The following SERPINA4 variants were observed in gnomAD, a reference collection of about 807,000 sequenced individuals.
SERPINA4 encodes serpin family A member 4.
In SERPINA4, 24 loss-of-function variants were observed where a neutral mutation model predicts 25.4. The observed-to-expected ratio is 0.95, with a 90% confidence interval of 0.69 to 1.33. The LOEUF is 1.33. Among genes scored for constraint, SERPINA4 ranks in the 40% most tolerant of loss-of-function variants. The pLI is 0.00. For synonymous variants in SERPINA4, 242 were observed against 223.6 expected (o/e 1.08, Z -0.73); for missense variants, 553 against 535.8 (o/e 1.03, Z -0.32).
intron 2 of SERPINA4, among the ~76,000 whole-genome samples, chr14:94,565,607 G>T (rs932753523): frequency 6.6e-6 from 1 of 151,910 alleles, no homozygotes; most frequent in African/African-American, 2.4e-5. Context: ...CAGCACTTTG[G>T]GAGGCCAAGG....
At chr14:94,562,809 G>A (rs144862623) in intron 1 of SERPINA4, among the ~76,000 whole-genome samples, 3 of 152,234 alleles carry the variant, frequency 2.0e-5, no homozygotes, top group Middle Eastern at 3.4e-3. Flanking sequence ...TATGAAACGG[G>A]TACCAATTCT....
At chr14:94,564,685 G>A (rs1323142480) in intron 2 of SERPINA4, among the ~76,000 whole-genome samples, 1 of 152,208 alleles carries the variant, frequency 6.6e-6, no homozygotes, top group Non-Finnish European at 1.5e-5. Flanking sequence ...ACAATGGCAG[G>A]TTGATTCATT....
At chr14:94,561,925 AG>A in intron 1 of SERPINA4, 1 of 1,259,714 alleles carries the variant, frequency 7.9e-7, no homozygotes, top group Non-Finnish European at 1.0e-6. Flanking sequence ...CAGAAAGACT[AG>A]GAAGCTTTCT....
At chr14:94,562,203 T>C (rs1902050164) in intron 1 of SERPINA4, among the ~76,000 whole-genome samples, 1 of 152,222 alleles carries the variant, frequency 6.6e-6, no homozygotes, top group East Asian at 1.9e-4. Context: ...GGTCTGTGGC[T>C]GTTTCCAGCT....
chr14:94,569,453 C>G lies in SERPINA4; in HGVS notation c.1142C>G (p.Thr381Ser). Residue 381 changes from threonine (T) to serine (S), a missense_variant, in exon 5 of 5, where the codon ACC becomes AGC. Coordinates refer to ENST00000557004, the MANE Select transcript of SERPINA4 (RefSeq NM_006215.4). ...DEAGTEAAAA[T>S]SFAIKFFSAQ... ...GCTGGCACCGAGGCTGCAGCAGCCA[C>G]CAGCTTCGCGATCAAATTCTTCTCT... The G allele has an allele frequency of 6.2e-7, 1 of 1,614,220 alleles. No homozygotes were observed. Among genetic ancestry groups the G allele is most frequent in the East Asian group, 2.2e-5 (1 of 44,888 alleles).
intron 2 of SERPINA4, among the ~76,000 whole-genome samples, chr14:94,565,691 CA>C (rs10566829): frequency 0.066 from 9,274 of 141,284 alleles, 377 homozygotes; most frequent in Non-Finnish European, 0.093. Context: ...ACTAAAAATA[CA>C]AAAAAAAAAA....
intron 3 of SERPINA4, 74 bp from the exon 4 acceptor site, chr14:94,568,055 C>A: frequency 6.6e-7 from 1 of 1,515,996 alleles, no homozygotes; most frequent in Non-Finnish European, 9.1e-7. Context: ...GAGAGGGCCA[C>A]CAAGGAGGGC....
In SERPINA4 at chr14:94,568,433, A is replaced by G. The variant is rs958884347; in HGVS notation, c.1083+145A>G. Reference sequence around the variant, plus strand: ...CATCTACAGGCATCAGCATCCACCAATCAACCAGCCCTGGACGTGGTGCTA... The same window carrying G: ...CATCTACAGGCATCAGCATCCACCAGTCAACCAGCCCTGGACGTGGTGCTA... On this transcript the variant is annotated intron_variant, in intron 4 of 4. Coordinates refer to ENST00000557004, the MANE Select transcript of SERPINA4 (RefSeq NM_006215.4). The G allele has an allele frequency of 1.4e-5, 12 of 833,730 alleles. No individual in the cohort carries two copies. The East Asian group carries it at 3.2e-4, about 22-fold the overall frequency. The allele number at this position is 833,730 out of a possible 1,614,324, so 51.6% of individuals were successfully genotyped here.
At chr14:94,566,695 G>A (rs959946671) in intron 2 of SERPINA4, among the ~76,000 whole-genome samples, 1 of 152,104 alleles carries the variant, frequency 6.6e-6, no homozygotes, top group Non-Finnish European at 1.5e-5. Context: ...TCTCTTTCCA[G>A]CACCCCTTGT....
chr14:94,564,882 C>G (rs892517132), intron 2 of SERPINA4, among the ~76,000 whole-genome samples: 5 of 152,240 alleles, frequency 3.3e-5, no homozygotes, highest in African/African-American at 1.2e-4. Context: ...GACATAATCT[C>G]TAGTCCTACC....
chr14:94,563,495 G>A lies in SERPINA4; in HGVS notation c.13G>A (p.Asp5Asn), dbSNP rs781681468. The change falls in exon 2 of 5, where the codon GAC becomes AAC. Residue 5 changes from aspartate to asparagine, a missense_variant. Transcript: ENST00000557004. Reference protein sequence around the residue: MHLIDYLLLLLVGLL... With the variant: MHLINYLLLLLVGLL... ...GAGAGTGCAGAGGATGCATCTTATC[G>A]ACTACCTGCTCCTCCTGCTGGTTGG... 61 of 1,612,458 alleles carry A rather than the reference G, an allele frequency of 3.8e-5. No homozygotes were observed. The highest frequency in any genetic ancestry group is 4.7e-5 in the Non-Finnish European group (56 of 1,179,172).
At chr14:94,567,725 G>A (rs534905332) in intron 3 of SERPINA4, among the ~76,000 whole-genome samples, 1 of 152,334 alleles carries the variant, frequency 6.6e-6, no homozygotes, top group Admixed American at 6.5e-5. Flanking sequence ...AAGGGCACAT[G>A]TGGATAGAAA....
rs574652544 is a variant in SERPINA4 at position 94,562,601 on chromosome 14, T to TCAAA, written c.-17-849_-17-846dup. On this transcript the variant is annotated intron_variant, in intron 1 of 4. Transcript: ENST00000557004. The stretch of plus-strand genomic sequence containing the variant: ...TTGGGTGACAGAGTGAGACCCTGTC[T>TCAAA]CAAACAAACAAACAAACAACCAAAC... 8.3e-4 allele frequency among the ~76,000 whole-genome samples: 127 copies of TCAAA among 152,128 alleles called. 3 individuals are homozygous for TCAAA. The South Asian group carries it at 0.021, about 26-fold the overall frequency.
intron 1 of SERPINA4, among the ~76,000 whole-genome samples, chr14:94,562,626 C>G (rs1183133022): frequency 6.6e-6 from 1 of 151,944 alleles, no homozygotes; most frequent in Non-Finnish European, 1.5e-5. Flanking sequence ...AACAACCAAA[C>G]AAACAAAAAA....
In SERPINA4 at chr14:94,564,020, C is replaced by G. The variant is rs748736850; in HGVS notation, c.538C>G (p.Gln180Glu). The G allele has an allele frequency of 3.1e-6, 5 of 1,613,610 alleles. No individual in the cohort carries two copies. The East Asian group carries it at 8.9e-5, about 29-fold the overall frequency. Residue 180 changes from glutamine to glutamate, a missense_variant, in exon 2 of 5, where the codon CAG becomes GAG. Coordinates refer to ENST00000557004, the MANE Select transcript of SERPINA4 (RefSeq NM_006215.4). Reference sequence around the variant, plus strand: ...CTTCTACGACACTGTGGGCACAATCCAGCTTATCAACGACCACGTCAAGAA... The same window carrying G: ...CTTCTACGACACTGTGGGCACAATCGAGCTTATCAACGACCACGTCAAGAA... ...TNFYDTVGTIQLINDHVKKET... is the reference protein window; with the variant it reads ...TNFYDTVGTIELINDHVKKET...
intron 3 of SERPINA4, 34 bp from the exon 4 acceptor site, chr14:94,568,095 T>C (rs761607520): frequency 6.2e-7 from 1 of 1,611,598 alleles, no homozygotes; most frequent in East Asian, 2.2e-5. Flanking sequence ...GGCTTGTTCA[T>C]TAATCTAATG....
Position 94,567,010 on chromosome 14 carries a change from C to A in SERPINA4, c.690C>A (p.Pro230=). ...CATTCATTTCCTCAAGGACCACTCC[C>A]AAAGACTTCTATGTTGATGAGAACA... is the stretch of plus-strand genomic sequence containing the variant. ...EKPFISSRTT[P]KDFYVDENTT... is the part of the protein sequence containing the mutation. Residue 230 remains proline (P), a synonymous_variant, in exon 3 of 5, where the codon CCC becomes CCA. Transcript: ENST00000557004. 1 of 1,614,184 alleles carries A rather than the reference C, an allele frequency of 6.2e-7. No homozygotes were observed. Among genetic ancestry groups the A allele is most frequent in the Non-Finnish European group, 8.5e-7 (1 of 1,180,034 alleles).
At chr14:94,561,672 T>C (rs1373265073) in intron 1 of SERPINA4, 178 bp downstream of exon 1, 1 of 1,288,762 alleles carries the variant, frequency 7.8e-7, no homozygotes, top group Non-Finnish European at 1.0e-6. Context: ...ATACTCAGGC[T>C]AGAAAGGCCC....
At chr14:94,562,830 C>A (rs1902069566) in intron 1 of SERPINA4, among the ~76,000 whole-genome samples, 2 of 152,172 alleles carry the variant, frequency 1.3e-5, no homozygotes, top group African/African-American at 4.8e-5. Flanking sequence ...ATCCCCACAA[C>A]TTTGGGCAGG....
Sources: gnomAD v4.1 joint callset for allele counts (sites outside exome capture counted in the v4.1 genomes callset) on GRCh38, gnomAD v4.1.1 for gene constraint, MANE v1.5 for transcripts, NCBI Gene and HGNC (gene_info 2026-07-23, HGNC 2026-07-21) for gene names.